Variants in AGFG1 observed in about 807,000 individuals in gnomAD.
The protein encoded by AGFG1 is ArfGAP with FG repeats 1, also known as arf-GAP domain and FG repeat-containing protein 1.
AGFG1 carries 10 observed loss-of-function variants against 60.6 expected under a neutral mutation model. The observed-to-expected ratio is 0.16, with a 90% CI of 0.10 to 0.28. The LOEUF (loss-of-function observed/expected upper bound fraction) is 0.28. Ranked by LOEUF, AGFG1 falls within the 10% of genes least tolerant of loss-of-function variation. The pLI is 1.00. For missense variants in AGFG1, 537 were observed against 676.5 expected, an observed-to-expected ratio of 0.79 and a Z score of 2.29; for synonymous variants, 247 against 242.9, an observed-to-expected ratio of 1.02 and a Z score of -0.16.
chr2:227,488,852 T>TG (rs1690714596), intron 1 of AGFG1, among the ~76,000 whole-genome samples: 1 of 152,218 alleles, frequency 6.6e-6, no homozygotes, highest in Non-Finnish European at 1.5e-5. Flanking sequence ...CTAGCTCTGT[T>TG]GCCCATGCTG....
intron 8 of AGFG1, among the ~76,000 whole-genome samples, chr2:227,535,668 T>C (rs1692288678): frequency 1.3e-5 from 2 of 152,234 alleles, no homozygotes; most frequent in Non-Finnish European, 2.9e-5. Flanking sequence ...TTTATTCATC[T>C]CTGTTTTCCA....
intron 4 of AGFG1, 84 bp from the exon 5 acceptor site, chr2:227,524,678 T>G (rs1477618011): frequency 7.2e-7 from 1 of 1,390,902 alleles, no homozygotes; most frequent in Non-Finnish European, 1.0e-6. Flanking sequence ...TATGTATAAG[T>G]GTGTTTTAAG....
intron 10 of AGFG1, among the ~76,000 whole-genome samples, chr2:227,539,314 G>T (rs1026405667): frequency 6.6e-6 from 1 of 151,906 alleles, no homozygotes; most frequent in South Asian, 2.1e-4. Context: ...GCGGTGGTAC[G>T]TGCCTGTAGT....
intron 2 of AGFG1, among the ~76,000 whole-genome samples, chr2:227,511,065 C>CTA (rs1379916151): frequency 2.0e-5 from 3 of 152,110 alleles, no homozygotes; most frequent in East Asian, 1.9e-4. Context: ...ACTTTTTCTC[C>CTA]TATATTATCA....
chr2:227,532,233 A>G, intron 6 of AGFG1: 1 of 1,513,630 alleles, frequency 6.6e-7, no homozygotes, highest in Non-Finnish European at 8.9e-7. Context: ...TCAAGTAGGC[A>G]TCTTATACTA....
intron 1 of AGFG1, among the ~76,000 whole-genome samples, chr2:227,484,577 A>G (rs1267737517): frequency 6.6e-6 from 1 of 151,654 alleles, no homozygotes; most frequent in Non-Finnish European, 1.5e-5. Flanking sequence ...TAGATTTGCC[A>G]GTTTACAGTT....
At chr2:227,484,677 GTTTT>G (rs34405103) in intron 1 of AGFG1, among the ~76,000 whole-genome samples, 7 of 115,908 alleles carry the variant, frequency 6.0e-5, no homozygotes, top group South Asian at 2.7e-4. Flanking sequence ...AGATCTCTTA[GTTTT>G]TTTTTTGTTT....
At chr2:227,491,519 A>G in intron 1 of AGFG1, 28 bp from the exon 2 acceptor site, 1 of 1,468,310 alleles carries the variant, frequency 6.8e-7, no homozygotes, top group Non-Finnish European at 9.2e-7. Context: ...ATGTACTAGT[A>G]AATTTTGTAA....
intron 2 of AGFG1, among the ~76,000 whole-genome samples, chr2:227,515,984 T>A (rs1031744058): frequency 6.6e-6 from 1 of 152,212 alleles, no homozygotes; most frequent in Non-Finnish European, 1.5e-5. Context: ...CTGTCTGTGT[T>A]AAATGAATCT....
Position 227,496,703 on chromosome 2 carries a change from T to G in AGFG1, c.261+5063T>G, listed in dbSNP as rs1690985398. Among the ~76,000 whole-genome samples, 8 of 152,366 alleles carry G rather than the reference T, an allele frequency of 5.3e-5. No homozygotes were observed. In the South Asian group the frequency reaches 1.7e-3, roughly 32 times the overall value. ...TATAAAAATGCTAGGATTTTTTGAA[T>G]TAGGCCAACTTGTGAAAATTCCCAG... On this transcript the variant is annotated intron_variant, in intron 2 of 12. Coordinates refer to ENST00000310078, the MANE Select transcript of AGFG1 (RefSeq NM_004504.5).
At chr2:227,478,962 C>G (rs1341075313) in intron 1 of AGFG1, among the ~76,000 whole-genome samples, 2 of 152,114 alleles carry the variant, frequency 1.3e-5, no homozygotes, top group Non-Finnish European at 2.9e-5. Flanking sequence ...ACATGACATT[C>G]ACTTAAACTA....
intron 7 of AGFG1, among the ~76,000 whole-genome samples, chr2:227,534,578 G>A (rs1316335016): frequency 6.6e-6 from 1 of 152,150 alleles, no homozygotes; most frequent in Non-Finnish European, 1.5e-5. Context: ...GCACTTGAGA[G>A]TTTCTTTCTT....
At chr2:227,472,800 G>C (rs1233862177) in intron 1 of AGFG1, among the ~76,000 whole-genome samples, 1 of 141,072 alleles carries the variant, frequency 7.1e-6, no homozygotes, top group Non-Finnish European at 1.5e-5. Flanking sequence ...TGCGTTTTCG[G>C]TTTTGCCGGG....
chr2:227,557,345 T>A lies in AGFG1; in HGVS notation c.*2850T>A, dbSNP rs553028556. The A allele has an allele frequency of 3.3e-5, 5 of 152,312 alleles. No individual in the cohort carries two copies. The East Asian group carries it at 9.6e-4, about 29-fold the overall frequency. 9.4% of individuals were successfully genotyped at this position (152,312 alleles called of 1,614,324 possible). A position where few individuals can be genotyped will look rare whatever the true frequency, so the allele number is the denominator to read the frequency against. On this transcript the variant is annotated 3_prime_UTR_variant, in exon 13 of 13. Coordinates refer to ENST00000310078, the MANE Select transcript of AGFG1 (RefSeq NM_004504.5). ...CCTCAAAATAAGTCCTTCTGTTAAT[T>A]TGTAAAAGCACATTAGTGCTTTACC...
chr2:227,478,967 A>G (rs1488495316), intron 1 of AGFG1, among the ~76,000 whole-genome samples: 2 of 152,008 alleles, frequency 1.3e-5, no homozygotes, highest in Non-Finnish European at 2.9e-5. Context: ...ACATTCACTT[A>G]AACTATATAC....
chr2:227,514,040 G>A (rs1028669549), intron 2 of AGFG1, among the ~76,000 whole-genome samples: 2 of 152,116 alleles, frequency 1.3e-5, no homozygotes, highest in Admixed American at 6.5e-5. Flanking sequence ...GAGGGAGAGT[G>A]CTCTGTCAAG....
chr2:227,501,356 T>C (rs1691149308), intron 2 of AGFG1, among the ~76,000 whole-genome samples: 1 of 152,214 alleles, frequency 6.6e-6, no homozygotes, highest in Non-Finnish European at 1.5e-5. Context: ...GTTGGGATTA[T>C]AGGCATGAGC....
rs1218409289 is a variant in AGFG1 at position 227,554,551 on chromosome 2, C to CGGAG, written c.*56_*57insGGAG. 11 of 1,349,952 alleles carry CGGAG rather than the reference C, an allele frequency of 8.1e-6. No individual in the cohort carries two copies. The highest frequency in any genetic ancestry group is 1.5e-5 in the African/African-American group (1 of 68,764). 83.6% of individuals were successfully genotyped at this position (1,349,952 alleles called of 1,614,324 possible). A position where few individuals can be genotyped will look rare whatever the true frequency, so the allele number is the denominator to read the frequency against. On this transcript the variant is annotated 3_prime_UTR_variant, in exon 13 of 13. Coordinates refer to ENST00000310078, the MANE Select transcript of AGFG1 (RefSeq NM_004504.5). ...TTTATGTGGTCACATTACATCTCTC[C>CGGAG]ACCTCTTGCACTGTTGTCTTGTTTC...
chr2:227,479,194 C>T (rs1690382865), intron 1 of AGFG1, among the ~76,000 whole-genome samples: 1 of 152,188 alleles, frequency 6.6e-6, no homozygotes, highest in African/African-American at 2.4e-5. Flanking sequence ...CTGTATAGTG[C>T]TGTGGGTACC....
Sources: allele counts gnomAD v4.1 joint callset (sites outside exome capture counted in the v4.1 genomes callset), GRCh38; gene constraint gnomAD v4.1.1; transcripts MANE v1.5; gene names NCBI Gene and HGNC (gene_info 2026-07-23, HGNC 2026-07-21).